GPC5: variants seen among roughly 807,000 people sequenced by gnomAD.
GPC5 encodes the protein glypican-5.
Under a neutral mutation model 53.9 loss-of-function variants are expected in GPC5, and 47 were observed. That is an observed-to-expected ratio of 0.87 (90% CI 0.69 to 1.11). GPC5 has a LOEUF of 1.11. Ranked by LOEUF, GPC5 falls within the 50% of genes most tolerant of loss-of-function variation. The pLI is 0.00. For synonymous variants in GPC5, 286 were observed against 263.3 expected (o/e 1.09, Z -0.84); for missense variants, 748 against 713.1 (o/e 1.05, Z -0.56).
intron 6 of GPC5, among the ~76,000 whole-genome samples, chr13:91,982,699 T>C (rs2040369908): frequency 6.6e-6 from 1 of 152,116 alleles, no homozygotes; most frequent in Admixed American, 6.5e-5. Flanking sequence ...TGATAAATGG[T>C]GCCACACACC....
chr13:92,161,038 T>C (rs1593945630), intron 7 of GPC5, among the ~76,000 whole-genome samples: 1 of 41,686 alleles, frequency 2.4e-5, no homozygotes, highest in Non-Finnish European at 5.4e-5. Flanking sequence ...CGCTCAAAAG[T>C]GTTTTTTTTT....
In GPC5 at chr13:92,787,691, A is replaced by C. The variant is rs1876297475; in HGVS notation, c.1562-78591A>C. ...ACAAAAAAAAAAAAAAAAGAAAAGAAAAGAAAGAAAGAAAGAAAAAGAAAA... is the reference window on the plus strand; with the variant it reads ...ACAAAAAAAAAAAAAAAAGAAAAGACAAGAAAGAAAGAAAGAAAAAGAAAA... On this transcript the variant is annotated intron_variant, in intron 7 of 7. Coordinates refer to ENST00000377067, the MANE Select transcript of GPC5 (RefSeq NM_004466.6). 2.0e-5 allele frequency among the ~76,000 whole-genome samples: 3 copies of C among 149,402 alleles called. No homozygotes were observed. In the South Asian group the frequency reaches 6.3e-4, roughly 31 times the overall value.
At chr13:92,733,862 T>A (rs1594463773) in intron 7 of GPC5, among the ~76,000 whole-genome samples, 1 of 151,810 alleles carries the variant, frequency 6.6e-6, no homozygotes, top group Admixed American at 6.6e-5. Context: ...TCTTTTAAAA[T>A]ATGTCTCTAT....
chr13:91,721,827 C>T (rs760848765), intron 3 of GPC5, among the ~76,000 whole-genome samples: 11 of 152,186 alleles, frequency 7.2e-5, no homozygotes, highest in African/African-American at 2.7e-4. Flanking sequence ...AGTATTTAAA[C>T]CAATTGACCA....
chr13:91,706,048 T>G (rs963512964), intron 3 of GPC5, among the ~76,000 whole-genome samples: 1 of 152,008 alleles, frequency 6.6e-6, no homozygotes, highest in Non-Finnish European at 1.5e-5. Context: ...GCACAGCTAA[T>G]TTTTGTGTTT....
At chr13:92,359,967 G>A (rs972433000) in intron 7 of GPC5, among the ~76,000 whole-genome samples, 1 of 151,596 alleles carries the variant, frequency 6.6e-6, no homozygotes, top group Non-Finnish European at 1.5e-5. Flanking sequence ...TCTTATAGGT[G>A]CTGGATATTA....
At chr13:91,717,092 G>A (rs2036354887) in intron 3 of GPC5, among the ~76,000 whole-genome samples, 1 of 152,166 alleles carries the variant, frequency 6.6e-6, no homozygotes, top group South Asian at 2.1e-4. Context: ...GAGAGATCGA[G>A]AGCAATTTAA....
chr13:91,480,047 A>C (rs1265031323), intron 2 of GPC5, among the ~76,000 whole-genome samples: 1 of 152,202 alleles, frequency 6.6e-6, no homozygotes, highest in South Asian at 2.1e-4. Flanking sequence ...TTATGCTATG[A>C]GACTAGAATC....
intron 2 of GPC5, among the ~76,000 whole-genome samples, chr13:91,588,378 G>A (rs2032673838): frequency 6.6e-6 from 1 of 152,076 alleles, no homozygotes; most frequent in African/African-American, 2.4e-5. Context: ...CTGTCACACT[G>A]CCAAATATTG....
In GPC5 at chr13:92,634,639, A is replaced by G. The variant is rs565228683; in HGVS notation, c.1562-231643A>G. On this transcript the variant is annotated intron_variant, in intron 7 of 7. Coordinates refer to ENST00000377067, the MANE Select transcript of GPC5 (RefSeq NM_004466.6). ...TCTTTTCATTTATTCTTAGCTCCTC[A>G]TTTATTCTTTTTCTATTTTCTAGAA... Among the ~76,000 whole-genome samples, 10 of 151,984 alleles carry G rather than the reference A, an allele frequency of 6.6e-5. No individual in the cohort carries two copies. The South Asian group carries it at 1.7e-3, about 25-fold the overall frequency.
At chr13:92,086,145 T>C (rs1214969204) in intron 6 of GPC5, among the ~76,000 whole-genome samples, 2 of 152,260 alleles carry the variant, frequency 1.3e-5, no homozygotes, top group African/African-American at 2.4e-5. Flanking sequence ...GGGTCAGATG[T>C]TGCTGGCATT....
chr13:91,498,972 C>CAAA (rs5805699), intron 2 of GPC5, among the ~76,000 whole-genome samples: 2 of 149,328 alleles, frequency 1.3e-5, no homozygotes, highest in African/African-American at 4.9e-5. Context: ...GTCTCCCTCT[C>CAAA]AAAAAAAAAG....
At chr13:92,700,627 A>ATTTTC (rs1887704636) in intron 7 of GPC5, among the ~76,000 whole-genome samples, 2 of 151,930 alleles carry the variant, frequency 1.3e-5, no homozygotes, top group Admixed American at 1.3e-4. Context: ...TGCTGCCTAA[A>ATTTTC]TTTTCTCTTG....
At chr13:92,518,814 A>T (rs919768877) in intron 7 of GPC5, among the ~76,000 whole-genome samples, 2 of 152,224 alleles carry the variant, frequency 1.3e-5, no homozygotes, top group African/African-American at 4.8e-5. Flanking sequence ...AAATTCTCCA[A>T]TTAAAAGACA....
intron 6 of GPC5, among the ~76,000 whole-genome samples, chr13:91,956,295 TCA>T (rs993000849): frequency 6.6e-6 from 1 of 152,066 alleles, no homozygotes; most frequent in Non-Finnish European, 1.5e-5. Context: ...GCCATTGTCA[TCA>T]CAGCTGGCAC....
intron 2 of GPC5, among the ~76,000 whole-genome samples, chr13:91,503,820 C>T (rs888394668): frequency 1.3e-5 from 1 of 75,002 alleles, no homozygotes; most frequent in Admixed American, 1.3e-4. Context: ...TAATAATAAT[C>T]AGGCTGTTGT....
chr13:92,622,840 GGCCAAT>G (rs1186538160), intron 7 of GPC5, among the ~76,000 whole-genome samples: 2 of 152,060 alleles, frequency 1.3e-5, no homozygotes, highest in Admixed American at 6.6e-5. Flanking sequence ...GTAGACGATG[GGCCAAT>G]GCTGGAAGAG....
intron 2 of GPC5, among the ~76,000 whole-genome samples, chr13:91,501,448 A>G (rs1216997681): frequency 6.6e-6 from 1 of 151,264 alleles, no homozygotes; most frequent in Non-Finnish European, 1.5e-5. Context: ...TCCTGTGTCC[A>G]TGTGTTCTCA....
At chr13:92,508,132 T>G (rs774651205) in intron 7 of GPC5, among the ~76,000 whole-genome samples, 8 of 152,068 alleles carry the variant, frequency 5.3e-5, no homozygotes, top group Non-Finnish European at 1.0e-4. Flanking sequence ...CTGGGCTAAT[T>G]TTTTGTATCT....
Sources: allele counts gnomAD v4.1 joint callset (sites outside exome capture counted in the v4.1 genomes callset), GRCh38; gene constraint gnomAD v4.1.1; transcripts MANE v1.5; gene names NCBI Gene and HGNC (gene_info 2026-07-23, HGNC 2026-07-21).